GPHN: variants seen among roughly 807,000 people sequenced by gnomAD.
GPHN encodes the protein gephyrin.
A neutral mutation model predicts 95.5 loss-of-function variants in GPHN; 17 were observed. That is an observed-to-expected ratio of 0.18 (90% CI 0.12 to 0.27). GPHN has a LOEUF of 0.27. GPHN is among the 10% of genes least tolerant of loss of function. The probability of loss-of-function intolerance (pLI) is 1.00; values close to 1 mark genes in which losing one functional copy is unlikely to be tolerated. For synonymous variants in GPHN, 320 were observed against 322.5 expected (o/e 0.99, Z 0.08); for missense variants, 660 against 978.1 (o/e 0.67, Z 4.34).
intron 4 of GPHN, among the ~76,000 whole-genome samples, chr14:66,831,536 T>A (rs1028683783): frequency 2.0e-5 from 3 of 152,190 alleles, no homozygotes; most frequent in African/African-American, 4.8e-5. Context: ...GTCATATCTT[T>A]GTCTAAACAC....
the GPHN span, among the ~76,000 whole-genome samples, chr14:67,667,623 G>A: frequency 6.6e-6 from 1 of 152,156 alleles, no homozygotes; most frequent in South Asian, 2.1e-4. Context: ...AAGAACCTAA[G>A]AGCAAAAACC....
chr14:67,653,335 C>T, the GPHN span: 1 of 953,386 alleles, frequency 1.0e-6, no homozygotes, highest in East Asian at 2.6e-5. Flanking sequence ...TATGCGTCAA[C>T]TGCTGAGGTG....
chr14:67,359,953 C>T, the GPHN span: 1 of 555,742 alleles, frequency 1.8e-6, no homozygotes, highest in Non-Finnish European at 3.2e-6. Context: ...CCCCTCAATT[C>T]CGGTTCGCCT....
At chr14:66,661,462 C>T (rs2065642977) in intron 1 of GPHN, among the ~76,000 whole-genome samples, 1 of 152,084 alleles carries the variant, frequency 6.6e-6, no homozygotes, top group Admixed American at 6.5e-5. Flanking sequence ...TGGGTGTTAC[C>T]TCCCAACTGA....
chr14:67,584,016 C>T, the GPHN span: 1 of 1,614,006 alleles, frequency 6.2e-7, no homozygotes, highest in Non-Finnish European at 8.5e-7. Context: ...ATATGTTGAC[C>T]ACAAAATGGG....
chr14:67,684,127 TAAAGCACAGA>T, the GPHN span, among the ~76,000 whole-genome samples: 258 of 152,324 alleles, frequency 1.7e-3, 2 homozygotes, highest in Admixed American at 4.4e-3. Context: ...ACAAAGTTGC[TAAAGCACAGA>T]CCAGATTTTG....
intron 10 of GPHN, among the ~76,000 whole-genome samples, chr14:67,031,879 T>C (rs557701382): frequency 8.5e-5 from 13 of 152,312 alleles, no homozygotes; most frequent in African/African-American, 3.1e-4. Context: ...AGTCAGGCTT[T>C]TTACCTTCCT....
At chr14:67,575,542 C>A in the GPHN span, 2 of 967,476 alleles carry the variant, frequency 2.1e-6, no homozygotes, top group Non-Finnish European at 1.6e-6. Context: ...CACTCTATGT[C>A]CTGATGAAAG....
chr14:67,671,201 A>G, the GPHN span, among the ~76,000 whole-genome samples: 1 of 152,220 alleles, frequency 6.6e-6, no homozygotes, highest in Non-Finnish European at 1.5e-5. Context: ...TTACTTATCC[A>G]TTAAACAACT....
chr14:67,451,653 A>G, the GPHN span, among the ~76,000 whole-genome samples: 1 of 152,130 alleles, frequency 6.6e-6, no homozygotes. Context: ...GTATTTACCC[A>G]ATGCCTGTAC....
At chr14:66,546,746 T>G (rs993449358) in intron 1 of GPHN, among the ~76,000 whole-genome samples, 3 of 133,536 alleles carry the variant, frequency 2.2e-5, no homozygotes, top group South Asian at 5.1e-4. Context: ...CAGCTCGGTA[T>G]CAGAGGGAGA....
intron 11 of GPHN, among the ~76,000 whole-genome samples, chr14:67,067,783 G>C (rs747257573): frequency 1.2e-4 from 19 of 152,354 alleles, no homozygotes; most frequent in Non-Finnish European, 1.9e-4. Context: ...GAATCTCCTG[G>C]TCTGCCAGTT....
chr14:67,520,077 A>G, the GPHN span, among the ~76,000 whole-genome samples: 1 of 152,192 alleles, frequency 6.6e-6, no homozygotes, highest in African/African-American at 2.4e-5. Context: ...AGAAGAAAGT[A>G]CAGAGATTTC....
At chr14:67,400,574 G>C in the GPHN span, among the ~76,000 whole-genome samples, 3 of 152,170 alleles carry the variant, frequency 2.0e-5, no homozygotes, top group South Asian at 2.1e-4. Flanking sequence ...GGGACATCTG[G>C]GTGCTTCTGA....
At chr14:66,513,824 A>G (rs898185946) in intron 1 of GPHN, among the ~76,000 whole-genome samples, 1 of 151,920 alleles carries the variant, frequency 6.6e-6, no homozygotes, top group Non-Finnish European at 1.5e-5. Flanking sequence ...GAATTTATAA[A>G]CTAAATTGTT....
chr14:66,953,990 G>C (rs1370300325), intron 8 of GPHN, among the ~76,000 whole-genome samples: 1 of 151,644 alleles, frequency 6.6e-6, no homozygotes, highest in Admixed American at 6.6e-5. Flanking sequence ...AGCCAAGACG[G>C]TGCGATTGCA....
At chr14:66,809,514 G>C (rs866104739) in intron 3 of GPHN, among the ~76,000 whole-genome samples, 3 of 152,026 alleles carry the variant, frequency 2.0e-5, no homozygotes, top group African/African-American at 7.2e-5. Flanking sequence ...ATTAATTCAG[G>C]GTTTTCACTT....
the GPHN span, among the ~76,000 whole-genome samples, chr14:67,237,721 A>G: frequency 1.3e-5 from 2 of 152,222 alleles, no homozygotes; most frequent in African/African-American, 2.4e-5. Flanking sequence ...AAGATGAGGA[A>G]GAAGGGAGGG....
chr14:66,546,764 AAG>A (rs1371078842), intron 1 of GPHN, among the ~76,000 whole-genome samples: 1 of 138,002 alleles, frequency 7.2e-6, no homozygotes, highest in African/African-American at 2.6e-5. Context: ...AGACCGTGGA[AAG>A]AGAGGGAGAG....
Sources: gnomAD v4.1 joint callset for allele counts (sites outside exome capture counted in the v4.1 genomes callset) on GRCh38, gnomAD v4.1.1 for gene constraint, MANE v1.5 for transcripts, NCBI Gene and HGNC (gene_info 2026-07-23, HGNC 2026-07-21) for gene names.